Variants in PPP2R2B observed in about 807,000 individuals in gnomAD.
PPP2R2B encodes the protein protein phosphatase 2 regulatory subunit Bbeta, also known as serine/threonine-protein phosphatase 2A 55 kDa regulatory subunit B beta isoform.
Under a neutral mutation model 46.0 loss-of-function variants are expected in PPP2R2B, and 5 were observed. The observed-to-expected ratio is 0.11, with a 90% CI of 0.06 to 0.23. PPP2R2B has a LOEUF of 0.23. Among genes scored for constraint, PPP2R2B ranks in the 10% least tolerant of loss-of-function variants. The probability of loss-of-function intolerance (pLI) is 1.00; values close to 1 mark genes in which losing one functional copy is unlikely to be tolerated. For synonymous variants in PPP2R2B, 215 were observed against 206.7 expected (o/e 1.04, Z -0.34); for missense variants, 367 against 575.0 (o/e 0.64, Z 3.70).
At chr5:147,077,300 ACACACACACACCCACACC>A (rs1363041668) in intron 2 of PPP2R2B, among the ~76,000 whole-genome samples, 1 of 148,620 alleles carries the variant, frequency 6.7e-6, no homozygotes, top group African/African-American at 2.5e-5. Flanking sequence ...ACACACACAC[ACACACACACACCCACACC>A]CACACCCCTA....
intron 5 of PPP2R2B, among the ~76,000 whole-genome samples, chr5:146,675,260 G>A (rs935015596): frequency 7.9e-5 from 12 of 152,116 alleles, no homozygotes; most frequent in African/African-American, 2.4e-4. Flanking sequence ...GCACCCCGCC[G>A]ATACTTGGTA....
At chr5:146,796,612 C>A (rs927437051) in intron 2 of PPP2R2B, among the ~76,000 whole-genome samples, 3 of 152,150 alleles carry the variant, frequency 2.0e-5, no homozygotes, top group African/African-American at 7.2e-5. Flanking sequence ...AGCAGAGGAC[C>A]TGGCTCATAA....
chr5:146,689,762 C>T (rs17105175), intron 5 of PPP2R2B, among the ~76,000 whole-genome samples: 1 of 151,968 alleles, frequency 6.6e-6, no homozygotes, highest in Non-Finnish European at 1.5e-5. Flanking sequence ...GAGCATCAAG[C>T]CTGGATTTAT....
chr5:146,917,189 T>C (rs1229690517), intron 1 of PPP2R2B, among the ~76,000 whole-genome samples: 1 of 152,200 alleles, frequency 6.6e-6, no homozygotes, highest in African/African-American at 2.4e-5. Flanking sequence ...AGCTGCATCA[T>C]AGTTGCTCCT....
chr5:146,600,582 G>C, intron 7 of PPP2R2B, 122 bp from the exon 8 acceptor site: 1 of 921,068 alleles, frequency 1.1e-6, no homozygotes, highest in South Asian at 1.7e-5. Context: ...GGTGTCTGCA[G>C]AATGTAAGTT....
intron 1 of PPP2R2B, among the ~76,000 whole-genome samples, chr5:146,892,800 A>G (rs1762531014): frequency 6.6e-6 from 1 of 152,232 alleles, no homozygotes. Flanking sequence ...GAAATCCTGC[A>G]ATAAAAAAGT....
intron 7 of PPP2R2B, among the ~76,000 whole-genome samples, chr5:146,604,972 C>T (rs1028680407): frequency 1.3e-5 from 2 of 152,170 alleles, no homozygotes; most frequent in Non-Finnish European, 2.9e-5. Context: ...TCTTCCTGTG[C>T]CCATCCAGGT....
chr5:146,714,459 A>G (rs533627154), intron 2 of PPP2R2B, among the ~76,000 whole-genome samples: 1 of 152,284 alleles, frequency 6.6e-6, no homozygotes, highest in East Asian at 1.9e-4. Context: ...ACAGTGTCAT[A>G]GAAATAACAG....
At chr5:146,814,452 G>C (rs976846289) in intron 2 of PPP2R2B, among the ~76,000 whole-genome samples, 3 of 152,194 alleles carry the variant, frequency 2.0e-5, no homozygotes, top group African/African-American at 7.2e-5. Flanking sequence ...AGTGTTAACT[G>C]TCTCTCTAAA....
At chr5:146,854,772 G>A (rs1561961568) in intron 2 of PPP2R2B, among the ~76,000 whole-genome samples, 1 of 152,138 alleles carries the variant, frequency 6.6e-6, no homozygotes, top group African/African-American at 2.4e-5. Context: ...TTTGGAGAAG[G>A]GCACTGTCTT....
chr5:146,850,740 C>T (rs948784487), intron 2 of PPP2R2B, among the ~76,000 whole-genome samples: 40 of 152,164 alleles, frequency 2.6e-4, no homozygotes, highest in African/African-American at 6.8e-4. Context: ...GTGCTTGTCA[C>T]GGTTGCAATT....
chr5:146,771,709 A>C (rs1754865642), intron 2 of PPP2R2B, among the ~76,000 whole-genome samples: 1 of 152,208 alleles, frequency 6.6e-6, no homozygotes, highest in Non-Finnish European at 1.5e-5. Flanking sequence ...GACATGTGAG[A>C]AACTCTCCAA....
chr5:146,922,807 T>G (rs1763652539), intron 1 of PPP2R2B, among the ~76,000 whole-genome samples: 1 of 152,066 alleles, frequency 6.6e-6, no homozygotes, highest in Non-Finnish European at 1.5e-5. Context: ...AAGACTCAGT[T>G]CAGGCCAGTG....
intron 9 of PPP2R2B, among the ~76,000 whole-genome samples, chr5:146,592,750 TATC>T: frequency 6.6e-6 from 1 of 152,246 alleles, no homozygotes; most frequent in Non-Finnish European, 1.5e-5. Context: ...ATTAAGGTGT[TATC>T]TGTGCCAGTT....
At chr5:146,681,526 T>C (rs1285330852) in intron 5 of PPP2R2B, among the ~76,000 whole-genome samples, 1 of 152,236 alleles carries the variant, frequency 6.6e-6, no homozygotes, top group African/African-American at 2.4e-5. Flanking sequence ...ATAATTCAGA[T>C]AATTTCATCT....
At chr5:147,012,427 C>T (rs1754784848) in intron 1 of PPP2R2B, among the ~76,000 whole-genome samples, 2 of 151,764 alleles carry the variant, frequency 1.3e-5, no homozygotes, top group Non-Finnish European at 2.9e-5. Flanking sequence ...TGGTGATATC[C>T]CCTTTATCAT....
At chr5:146,739,747 G>T (rs752685893) in intron 2 of PPP2R2B, among the ~76,000 whole-genome samples, 30 of 152,114 alleles carry the variant, frequency 2.0e-4, no homozygotes, top group Non-Finnish European at 4.1e-4. Context: ...TTATCCATCT[G>T]CTTCCATTTC....
At chr5:146,912,503 T>C (rs554941151) in intron 1 of PPP2R2B, among the ~76,000 whole-genome samples, 12 of 111,518 alleles carry the variant, frequency 1.1e-4, no homozygotes, top group Non-Finnish European at 1.9e-4. Context: ...CTTTCAACTT[T>C]TCTTTTTTCT....
intron 2 of PPP2R2B, among the ~76,000 whole-genome samples, chr5:146,704,275 A>G (rs1447537902): frequency 6.6e-6 from 1 of 152,244 alleles, no homozygotes; most frequent in Non-Finnish European, 1.5e-5. Context: ...TTTAAACTGG[A>G]AAATATACTG....
Sources: gnomAD v4.1 joint callset for allele counts (sites outside exome capture counted in the v4.1 genomes callset) on GRCh38, gnomAD v4.1.1 for gene constraint, MANE v1.5 for transcripts, NCBI Gene and HGNC (gene_info 2026-07-23, HGNC 2026-07-21) for gene names.